The following RYR3 variants were observed in gnomAD, a reference collection of about 807,000 sequenced individuals.
RYR3 encodes ryanodine receptor 3.
RYR3 carries 207 observed loss-of-function variants against 584.3 expected under a neutral mutation model. The observed-to-expected ratio is 0.35, with a 90% confidence interval of 0.32 to 0.40. RYR3 has a LOEUF of 0.40. Among genes scored for constraint, RYR3 ranks in the 10% least tolerant of loss-of-function variants. RYR3 has a pLI of 1.00. For missense variants in RYR3, 5,616 were observed against 6,089.2 expected, an observed-to-expected ratio of 0.92 and a Z score of 2.59; for synonymous variants, 2,416 against 2,248.5, an observed-to-expected ratio of 1.07 and a Z score of -2.11.
rs143512894 is a variant in RYR3, at chr15:33,319,746, C to A, written c.51+8650C>A. ...ACATCTCAGAGATGTCCTGAAGAAA[C>A]TCCACATTTCCTCCAGGAGAACTAG... On this transcript the variant is annotated intron_variant, in intron 1 of 103. Coordinates refer to ENST00000634891, the MANE Select transcript of RYR3 (RefSeq NM_001036.6). 4.7e-3 allele frequency among the ~76,000 whole-genome samples: 712 copies of A among 152,298 alleles called. 4 individuals carry two copies. Among genetic ancestry groups the A allele is most frequent in the African/African-American group, 0.016 (678 of 41,568 alleles).
intron 73 of RYR3, among the ~76,000 whole-genome samples, 196 bp from the exon 74 acceptor site, chr15:33,813,271 T>C (rs1216470557): frequency 6.6e-6 from 1 of 152,200 alleles, no homozygotes; most frequent in Non-Finnish European, 1.5e-5. Context: ...AGGGAATAAA[T>C]GACTAAAAGC....
chr15:33,654,327 C>T (rs4780139), intron 32 of RYR3, among the ~76,000 whole-genome samples: 82,147 of 151,804 alleles, frequency 0.54, 25,509 homozygotes, highest in Non-Finnish European at 0.66. Context: ...CCAGCCTGGG[C>T]AACATGGTGG....
intron 100 of RYR3, among the ~76,000 whole-genome samples, chr15:33,860,315 A>C (rs2080205447): frequency 6.6e-6 from 1 of 152,154 alleles, no homozygotes; most frequent in East Asian, 1.9e-4. Flanking sequence ...CAAATAGCTA[A>C]GCAAAATAGG....
chr15:33,640,283 G>A (rs530359457), intron 27 of RYR3, among the ~76,000 whole-genome samples: 6 of 152,338 alleles, frequency 3.9e-5, no homozygotes, highest in South Asian at 4.1e-4. Flanking sequence ...TTCAGAAAGC[G>A]GCTGTGGCAG....
At chr15:33,767,299 G>A (rs1026269177) in intron 60 of RYR3, among the ~76,000 whole-genome samples, 1 of 147,640 alleles carries the variant, frequency 6.8e-6, no homozygotes, top group Admixed American at 6.7e-5. Context: ...CCATGAGTTT[G>A]CATCAACTAC....
At chr15:33,389,982 AT>A (rs1272619124) in intron 1 of RYR3, among the ~76,000 whole-genome samples, 1 of 152,250 alleles carries the variant, frequency 6.6e-6, no homozygotes, top group African/African-American at 2.4e-5. Context: ...AAAAGTTACA[AT>A]GAAGAGGGCC....
intron 36 of RYR3, among the ~76,000 whole-genome samples, chr15:33,669,056 C>G (rs544017875): frequency 5.7e-4 from 86 of 151,838 alleles, no homozygotes; most frequent in African/African-American, 2.0e-3. Context: ...TGTGCGTATA[C>G]CTACATAATG....
At chr15:33,630,836 A>G (rs747663020) in intron 22 of RYR3, among the ~76,000 whole-genome samples, 1 of 152,254 alleles carries the variant, frequency 6.6e-6, no homozygotes, top group African/African-American at 2.4e-5. Flanking sequence ...AAGAGGGGCA[A>G]TTAACAAATT....
chr15:33,486,213 T>G (rs146186741), intron 2 of RYR3, among the ~76,000 whole-genome samples: 2 of 152,168 alleles, frequency 1.3e-5, no homozygotes, highest in African/African-American at 4.8e-5. Context: ...AACAACAAAT[T>G]ATTCTCTTGC....
chr15:33,584,691 ATCCT>A (rs1358497603), intron 15 of RYR3, among the ~76,000 whole-genome samples: 1 of 151,828 alleles, frequency 6.6e-6, no homozygotes, highest in Non-Finnish European at 1.5e-5. Flanking sequence ...GACTTCAACA[ATCCT>A]TCCTTTTTAA....
In RYR3 at chr15:33,848,189, T is replaced by C. The variant is rs2078846209; in HGVS notation, c.13498-102T>C. ...CTCTAAGAATTCCACTATAAGGAGA[T>C]TGCTGCTCTGAAGTTGGAAGGTTAA... On this transcript the variant is annotated intron_variant, in intron 93 of 103. Transcript: ENST00000634891. The C allele has an allele frequency of 2.8e-6, 4 of 1,430,330 alleles. No individual in the cohort carries two copies. The South Asian group carries it at 3.6e-5, about 13-fold the overall frequency. The allele number at this position is 1,430,330 out of a possible 1,614,324, so 88.6% of individuals were successfully genotyped here. A position where few individuals can be genotyped will look rare whatever the true frequency, so the allele number is the denominator to read the frequency against.
At position 33,837,746 on chromosome 15, in the gene RYR3, A is replaced by G; in HGVS notation, c.11766A>G (p.Leu3922=). Reference sequence around the variant, plus strand: ...ACATGTTCTTGAAACTTAAAGACTTAACCAGCTCAGACACCTTCAAAGAAT... The same window carrying G: ...ACATGTTCTTGAAACTTAAAGACTTGACCAGCTCAGACACCTTCAAAGAAT... ...FFDMFLKLKD[L]TSSDTFKEYD... Residue 3922 remains leucine, a synonymous_variant, in exon 89 of 104, where the codon TTA becomes TTG. Transcript: ENST00000634891. The G allele has an allele frequency of 6.2e-7, 1 of 1,613,832 alleles. No homozygotes were observed.
chr15:33,471,963 C>G (rs2048969715), intron 1 of RYR3, among the ~76,000 whole-genome samples: 1 of 152,154 alleles, frequency 6.6e-6, no homozygotes, highest in African/African-American at 2.4e-5. Context: ...CACACTCCAC[C>G]TGAGGAAAAA....
Position 33,669,363 on chromosome 15 carries a change from C to T in RYR3, c.5629C>T (p.Leu1877=). 1 of 1,613,878 alleles carries T rather than the reference C, an allele frequency of 6.2e-7. No individual in the cohort carries two copies. The highest frequency in any genetic ancestry group is 2.2e-5 in the East Asian group (1 of 44,878). ...RSPPQEQINM[L]LNFQLGENCP... is the part of the protein sequence containing the mutation. Reference sequence around the variant, plus strand: ...CTCTTGCCTCTCAAAGATCAACATGCTGCTTAACTTTCAACTGGGAGAGAA... The same window carrying T: ...CTCTTGCCTCTCAAAGATCAACATGTTGCTTAACTTTCAACTGGGAGAGAA... Residue 1877 remains leucine (L), a synonymous_variant, in exon 37 of 104, where the codon CTG becomes TTG. Coordinates refer to ENST00000634891, the MANE Select transcript of RYR3 (RefSeq NM_001036.6).
Position 33,838,010 on chromosome 15 carries a change from C to A in RYR3, c.12030C>A (p.Arg4010=), listed in dbSNP as rs780189239. The change falls in exon 89 of 104, where the codon CGC becomes CGA. Residue 4010 remains arginine (R), a synonymous_variant. Coordinates refer to ENST00000634891, the MANE Select transcript of RYR3 (RefSeq NM_001036.6). ...NLSEHMPNDS[R]LKCLLDPAES... ...CTGAACACATGCCAAACGATTCCCG[C>A]CTGAAGTGTCTGTTGGACCCAGCAG... 48 of 1,613,870 alleles carry A rather than the reference C, an allele frequency of 3.0e-5. No individual in the cohort carries two copies. Among genetic ancestry groups the A allele is most frequent in the Non-Finnish European group, 3.4e-5 (40 of 1,179,902 alleles).
At chr15:33,391,361 C>G (rs1010508633) in intron 1 of RYR3, among the ~76,000 whole-genome samples, 3 of 152,158 alleles carry the variant, frequency 2.0e-5, no homozygotes, top group African/African-American at 7.2e-5. Context: ...GGTGCGGTGG[C>G]TCACACCTGT....
chr15:33,801,787 G>A (rs566174031), intron 68 of RYR3, 82 bp from the exon 69 acceptor site: 35 of 726,754 alleles, frequency 4.8e-5, no homozygotes, highest in Admixed American at 4.0e-4. Context: ...GGTCTATTCC[G>A]TTACTTGGGG....
intron 67 of RYR3, among the ~76,000 whole-genome samples, chr15:33,794,125 ATATT>A (rs547097384): frequency 0.025 from 3,013 of 122,682 alleles, 139 homozygotes; most frequent in African/African-American, 0.091. Context: ...ACATAAATAT[ATATT>A]TATATATAAT....
At chr15:33,521,661 C>T (rs2053993770) in intron 3 of RYR3, among the ~76,000 whole-genome samples, 1 of 152,150 alleles carries the variant, frequency 6.6e-6, no homozygotes, top group African/African-American at 2.4e-5. Flanking sequence ...TATGAGGAGA[C>T]AGGAAGAAGG....
Sources: allele counts gnomAD v4.1 joint callset (sites outside exome capture counted in the v4.1 genomes callset), GRCh38; gene constraint gnomAD v4.1.1; transcripts MANE v1.5; gene names NCBI Gene and HGNC (gene_info 2026-07-23, HGNC 2026-07-21).